The following USH2A variants were observed in gnomAD, a reference collection of about 807,000 sequenced individuals.
USH2A encodes usherin.
Under a neutral mutation model 538.9 loss-of-function variants are expected in USH2A, and 443 were observed. That is an observed-to-expected ratio of 0.82 (90% confidence interval 0.76 to 0.89). The LOEUF is 0.89. USH2A is among the 40% of genes least tolerant of loss of function. The pLI is 0.00. For missense variants in USH2A, 6,633 were observed against 6,324.8 expected, an observed-to-expected ratio of 1.05 and a Z score of -1.65; for synonymous variants, 2,413 against 2,273.5, an observed-to-expected ratio of 1.06 and a Z score of -1.75.
intron 20 of USH2A, among the ~76,000 whole-genome samples, chr1:216,186,172 A>G (rs915483397): frequency 1.3e-5 from 2 of 151,740 alleles, no homozygotes; most frequent in African/African-American, 4.8e-5. Flanking sequence ...AAAAGGTAAT[A>G]CAATTTTTTG....
At chr1:215,862,470 G>A (rs950301602) in intron 44 of USH2A, among the ~76,000 whole-genome samples, 1 of 152,040 alleles carries the variant, frequency 6.6e-6, no homozygotes, top group Non-Finnish European at 1.5e-5. Flanking sequence ...TGTAAATGAC[G>A]AGTTAATGGG....
At chr1:215,910,523 TTACACAATATAATATA>T (rs140301113) in intron 38 of USH2A, among the ~76,000 whole-genome samples, 14,805 of 151,846 alleles carry the variant, frequency 0.098, 1,071 homozygotes, top group African/African-American at 0.2. Flanking sequence ...TATCAAGTGG[TTACACAATATAATATA>T]TACATAATAT....
intron 20 of USH2A, 63 bp from the exon 21 acceptor site, chr1:216,175,545 T>C (rs1572021372): frequency 7.0e-7 from 1 of 1,426,552 alleles, no homozygotes; most frequent in East Asian, 2.3e-5. Flanking sequence ...ACACACATAT[T>C]CACATATACG....
At chr1:216,301,319 C>A (rs1323982900) in intron 9 of USH2A, among the ~76,000 whole-genome samples, 1 of 152,050 alleles carries the variant, frequency 6.6e-6, no homozygotes, top group Non-Finnish European at 1.5e-5. Context: ...GTGTCAATGA[C>A]CTTTGGAAGC....
chr1:215,898,802 T>C (rs956472335), intron 40 of USH2A, among the ~76,000 whole-genome samples: 12 of 152,208 alleles, frequency 7.9e-5, no homozygotes, highest in African/African-American at 2.9e-4. Context: ...CTGGTGATCA[T>C]GGTGTCCAGA....
chr1:215,641,305 A>G, intron 67 of USH2A, among the ~76,000 whole-genome samples: 1 of 152,298 alleles, frequency 6.6e-6, no homozygotes, highest in South Asian at 2.1e-4. Context: ...TTGTTTTCTA[A>G]GATAGTTAAA....
chr1:215,865,751 C>T (rs1443217832), intron 44 of USH2A, among the ~76,000 whole-genome samples: 1 of 152,108 alleles, frequency 6.6e-6, no homozygotes, highest in African/African-American at 2.4e-5. Flanking sequence ...TTATAAAAAC[C>T]AGAGAAAGAC....
intron 35 of USH2A, among the ~76,000 whole-genome samples, chr1:215,977,054 A>C (rs77102177): frequency 0.012 from 1,836 of 151,710 alleles, 28 homozygotes; most frequent in African/African-American, 0.043. Context: ...AACAACAAAC[A>C]AGCAAAACAC....
chr1:215,953,388 A>G (rs1347492101), intron 37 of USH2A, among the ~76,000 whole-genome samples: 3 of 152,238 alleles, frequency 2.0e-5, no homozygotes, highest in Admixed American at 2.0e-4. Context: ...AGAATGGAAC[A>G]GAGCCCTCAG....
intron 32 of USH2A, among the ~76,000 whole-genome samples, chr1:216,005,243 T>C (rs1296768531): frequency 3.3e-5 from 5 of 152,182 alleles, no homozygotes; most frequent in Admixed American, 1.3e-4. Flanking sequence ...TTGCTCTTTC[T>C]TATGCTTCAG....
intron 37 of USH2A, among the ~76,000 whole-genome samples, chr1:215,954,473 C>T (rs1247352187): frequency 6.8e-6 from 1 of 147,994 alleles, no homozygotes; most frequent in East Asian, 2.0e-4. Context: ...GACAAAAAAC[C>T]AAACACCGTA....
At chr1:216,271,636 A>AC (rs2036578870) in intron 11 of USH2A, among the ~76,000 whole-genome samples, 1 of 152,076 alleles carries the variant, frequency 6.6e-6, no homozygotes, top group African/African-American at 2.4e-5. Context: ...TGTTAACATA[A>AC]TATTAGCTAT....
Position 215,786,654 on chromosome 1 carries a change from G to A in USH2A, c.10387+16C>T. On this transcript the variant is annotated intron_variant, in intron 52 of 71. Coordinates refer to ENST00000307340, the MANE Select transcript of USH2A (RefSeq NM_206933.4). ...AACCCCATTAAGCCATGGGCAGACA[G>A]CTTGCTTTCTGTTACCTGTGTAAGA... is the stretch of plus-strand genomic sequence containing the variant. 1 of 1,613,774 alleles carries A rather than the reference G, an allele frequency of 6.2e-7. No individual in the cohort carries two copies. Among genetic ancestry groups the A allele is most frequent in the Non-Finnish European group, 8.5e-7 (1 of 1,179,778 alleles).
chr1:216,147,198 C>T (rs529777491), intron 21 of USH2A, among the ~76,000 whole-genome samples: 1 of 152,026 alleles, frequency 6.6e-6, no homozygotes, highest in South Asian at 2.1e-4. Context: ...TCTACAGACC[C>T]ATCTGACCTC....
chr1:216,120,461 G>T (rs546761624), intron 21 of USH2A, among the ~76,000 whole-genome samples: 118 of 151,792 alleles, frequency 7.8e-4, no homozygotes, highest in Middle Eastern at 3.4e-3. Flanking sequence ...CTCACTGCAA[G>T]CTCCGCCTCC....
chr1:216,113,159 AAAC>A (rs1273182820), intron 21 of USH2A, among the ~76,000 whole-genome samples: 39 of 151,762 alleles, frequency 2.6e-4, no homozygotes, highest in Non-Finnish European at 4.4e-4. Context: ...AAAAAAAACA[AAAC>A]AAGAAAGTAA....
chr1:216,121,914 A>G (rs753282648), intron 21 of USH2A, among the ~76,000 whole-genome samples: 15 of 152,224 alleles, frequency 9.9e-5, no homozygotes, highest in Non-Finnish European at 2.1e-4. Flanking sequence ...GTTGTTCAAT[A>G]TTGAACATAA....
intron 47 of USH2A, among the ~76,000 whole-genome samples, chr1:215,836,480 A>ATATTATATAT (rs370092518): frequency 1.2e-4 from 1 of 8,444 alleles, no homozygotes; most frequent in African/African-American, 3.0e-4. Context: ...ATATATATAT[A>ATATTATATAT]ATATATATTA....
At chr1:216,401,174 A>G (rs895678553) in intron 3 of USH2A, among the ~76,000 whole-genome samples, 3 of 152,118 alleles carry the variant, frequency 2.0e-5, no homozygotes, top group Admixed American at 6.5e-5. Context: ...TGAGTAAAGG[A>G]CCTAAGTGGA....
Sources: gnomAD v4.1 joint callset for allele counts (sites outside exome capture counted in the v4.1 genomes callset) on GRCh38, gnomAD v4.1.1 for gene constraint, MANE v1.5 for transcripts, NCBI Gene and HGNC (gene_info 2026-07-23, HGNC 2026-07-21) for gene names.